Variants in LINGO2 observed in about 807,000 individuals in gnomAD.
LINGO2 encodes leucine-rich repeat and immunoglobulin-like domain-containing nogo receptor-interacting protein 2.
Under a neutral mutation model 30.6 loss-of-function variants are expected in LINGO2, and 14 were observed. The observed-to-expected ratio is 0.46, with a 90% CI of 0.30 to 0.72. The LOEUF (loss-of-function observed/expected upper bound fraction) is 0.72. Ranked by LOEUF, LINGO2 falls within the 30% of genes least tolerant of loss-of-function variation. The pLI is 0.07. For missense variants in LINGO2, 729 were observed against 751.7 expected, an observed-to-expected ratio of 0.97 and a Z score of 0.35; for synonymous variants, 317 against 288.5, an observed-to-expected ratio of 1.10 and a Z score of -1.00.
the LINGO2 span, among the ~76,000 whole-genome samples, chr9:28,773,997 A>T: frequency 6.6e-6 from 1 of 151,802 alleles, no homozygotes; most frequent in African/African-American, 2.4e-5. Flanking sequence ...TGATATGTTA[A>T]AAGAAATTTT....
intron 2 of LINGO2, among the ~76,000 whole-genome samples, chr9:28,442,131 G>T (rs1004054190): frequency 2.0e-5 from 3 of 150,712 alleles, no homozygotes; most frequent in African/African-American, 7.3e-5. Flanking sequence ...ATAAAAAATT[G>T]TTCAGTTTTG....
At chr9:28,364,793 C>T (rs1820594214) in intron 3 of LINGO2, among the ~76,000 whole-genome samples, 3 of 152,180 alleles carry the variant, frequency 2.0e-5, no homozygotes, top group Admixed American at 1.3e-4. Context: ...GTGCAAGATG[C>T]TTACTGAAGC....
the LINGO2 span, among the ~76,000 whole-genome samples, chr9:29,184,848 C>T: frequency 6.6e-6 from 1 of 152,022 alleles, no homozygotes; most frequent in Non-Finnish European, 1.5e-5. Flanking sequence ...TATAAGTAAA[C>T]ATTGTCATAA....
the LINGO2 span, among the ~76,000 whole-genome samples, chr9:28,706,901 A>G: frequency 2.6e-5 from 4 of 152,064 alleles, no homozygotes; most frequent in Non-Finnish European, 5.9e-5. Flanking sequence ...TCCTTTATCT[A>G]AAACACTTTC....
the LINGO2 span, among the ~76,000 whole-genome samples, chr9:28,900,678 G>C: frequency 4.6e-5 from 7 of 152,104 alleles, no homozygotes; most frequent in Admixed American, 3.3e-4. Context: ...GAATGATAAA[G>C]GGCTTTCCCA....
intron 3 of LINGO2, among the ~76,000 whole-genome samples, chr9:28,356,079 C>T (rs1820197638): frequency 6.6e-6 from 1 of 152,100 alleles, no homozygotes; most frequent in Admixed American, 6.6e-5. Context: ...GGAATTATCT[C>T]CAGAAGAAAG....
At chr9:28,281,027 A>G (rs1823304191) in intron 4 of LINGO2, among the ~76,000 whole-genome samples, 1 of 152,096 alleles carries the variant, frequency 6.6e-6, no homozygotes, top group South Asian at 2.1e-4. Flanking sequence ...CTTTTAAAAA[A>G]CTTTCTTTCA....
the LINGO2 span, among the ~76,000 whole-genome samples, chr9:29,022,952 C>A: frequency 6.8e-6 from 1 of 147,322 alleles, no homozygotes; most frequent in Non-Finnish European, 1.5e-5. Context: ...GTGAACCAAA[C>A]AAGGTCAGGC....
At chr9:29,162,089 T>A in the LINGO2 span, among the ~76,000 whole-genome samples, 966 of 152,206 alleles carry the variant, frequency 6.3e-3, 15 homozygotes, top group African/African-American at 0.022. Context: ...ATGGCTAATT[T>A]TTGTATTTTG....
the LINGO2 span, among the ~76,000 whole-genome samples, chr9:29,105,817 G>A: frequency 1.6e-4 from 24 of 152,296 alleles, no homozygotes; most frequent in African/African-American, 5.5e-4. Flanking sequence ...CAACATCTAG[G>A]ATCTAAGAGT....
At chr9:28,470,166 T>G (rs114566172) in intron 2 of LINGO2, among the ~76,000 whole-genome samples, 1,927 of 152,260 alleles carry the variant, frequency 0.013, 34 homozygotes, top group African/African-American at 0.044. Context: ...GAGATTGATG[T>G]TGGTGATAGC....
chr9:28,570,245 C>T (rs980202641), intron 1 of LINGO2, among the ~76,000 whole-genome samples: 1 of 151,788 alleles, frequency 6.6e-6, no homozygotes, highest in Non-Finnish European at 1.5e-5. Context: ...ACTGAACAAA[C>T]AGGAAATGGT....
At chr9:28,884,986 TAATA>T in the LINGO2 span, among the ~76,000 whole-genome samples, 235 of 5,740 alleles carry the variant, frequency 0.041, 13 homozygotes, top group African/African-American at 0.086. Flanking sequence ...ATATAATATA[TAATA>T]ATATATTATA....
chr9:28,757,174 T>TA, the LINGO2 span, among the ~76,000 whole-genome samples: 1 of 152,084 alleles, frequency 6.6e-6, no homozygotes, highest in Non-Finnish European at 1.5e-5. Context: ...AAAGATAAGA[T>TA]ACACTTAAAT....
chr9:28,728,349 A>G, the LINGO2 span, among the ~76,000 whole-genome samples: 1 of 152,144 alleles, frequency 6.6e-6, no homozygotes, highest in Non-Finnish European at 1.5e-5. Context: ...TTTTTAGAAG[A>G]GCAATCAAAA....
At chr9:29,152,239 GA>G in the LINGO2 span, among the ~76,000 whole-genome samples, 32 of 152,096 alleles carry the variant, frequency 2.1e-4, no homozygotes, top group Non-Finnish European at 4.3e-4. Context: ...AGCCACTAAG[GA>G]AAGCCATTTA....
At chr9:28,703,262 A>G in the LINGO2 span, among the ~76,000 whole-genome samples, 1 of 151,828 alleles carries the variant, frequency 6.6e-6, no homozygotes, top group East Asian at 1.9e-4. Flanking sequence ...GAAATGCTAT[A>G]TATTTCCCTG....
the LINGO2 span, among the ~76,000 whole-genome samples, chr9:28,770,643 T>G: frequency 1.3e-5 from 2 of 152,146 alleles, no homozygotes; most frequent in Non-Finnish European, 2.9e-5. Flanking sequence ...ACAAAGTGAA[T>G]GATCAAATAA....
intron 1 of LINGO2, among the ~76,000 whole-genome samples, chr9:28,572,908 T>C (rs1823769269): frequency 1.3e-5 from 2 of 152,170 alleles, no homozygotes; most frequent in South Asian, 4.1e-4. Flanking sequence ...CAAAGTAAGA[T>C]TGCTTTATAA....
Sources: gnomAD v4.1 joint callset for allele counts (sites outside exome capture counted in the v4.1 genomes callset) on GRCh38, gnomAD v4.1.1 for gene constraint, MANE v1.5 for transcripts, NCBI Gene and HGNC (gene_info 2026-07-23, HGNC 2026-07-21) for gene names.